The following XYLT1 variants were observed in gnomAD, a reference collection of about 807,000 sequenced individuals.
XYLT1 encodes xylosyltransferase 1, also known as beta-D-xylosyltransferase 1.
XYLT1 carries 36 observed loss-of-function variants against 91.3 expected under a neutral mutation model. The observed-to-expected ratio is 0.39, with a 90% CI of 0.30 to 0.52. XYLT1 has a LOEUF of 0.52. Ranked by LOEUF, XYLT1 falls within the 20% of genes least tolerant of loss-of-function variation. The pLI is 0.68. For synonymous variants in XYLT1, 588 were observed against 532.0 expected, an observed-to-expected ratio of 1.11 and a Z score of -1.45; for missense variants, 1,242 against 1,284.5, an observed-to-expected ratio of 0.97 and a Z score of 0.51.
At chr16:17,216,454 C>T (rs904536081) in intron 3 of XYLT1, among the ~76,000 whole-genome samples, 7 of 152,160 alleles carry the variant, frequency 4.6e-5, no homozygotes, top group African/African-American at 9.7e-5. Flanking sequence ...GGGCCATTAA[C>T]GCTGCCTCCT....
intron 2 of XYLT1, among the ~76,000 whole-genome samples, chr16:17,331,002 C>G (rs1224070945): frequency 6.6e-6 from 1 of 152,208 alleles, no homozygotes; most frequent in Non-Finnish European, 1.5e-5. Context: ...AGATGTTCCA[C>G]CGCCCTGCAC....
At chr16:17,175,182 C>T (rs1432359127) in intron 5 of XYLT1, among the ~76,000 whole-genome samples, 1 of 152,064 alleles carries the variant, frequency 6.6e-6, no homozygotes, top group African/African-American at 2.4e-5. Context: ...ACAATAATAA[C>T]CATGTTTGGT....
At chr16:17,184,185 CTTTTTTTTTT>C (rs71390593) in intron 5 of XYLT1, among the ~76,000 whole-genome samples, 1 of 107,492 alleles carries the variant, frequency 9.3e-6, no homozygotes, top group Non-Finnish European at 1.8e-5. Flanking sequence ...TAAAAGACGG[CTTTTTTTTTT>C]TTTTTTTTTT....
At chr16:17,155,127 C>A (rs2031373780) in intron 6 of XYLT1, among the ~76,000 whole-genome samples, 1 of 152,232 alleles carries the variant, frequency 6.6e-6, no homozygotes, top group Non-Finnish European at 1.5e-5. Context: ...GCCTAGAACA[C>A]AGAGAGGCTT....
Position 17,104,529 on chromosome 16 carries a change from C to G in XYLT1, c.*4166G>C, listed in dbSNP as rs1386230995. ...CCCTGACCTGATGCTGGCTTTTTTCCTCTTCTACCAGGGCAATGCATAATC... is the reference window on the plus strand; with the variant it reads ...CCCTGACCTGATGCTGGCTTTTTTCGTCTTCTACCAGGGCAATGCATAATC... On this transcript the variant is annotated 3_prime_UTR_variant, in exon 12 of 12. Coordinates refer to ENST00000261381, the MANE Select transcript of XYLT1 (RefSeq NM_022166.4). 1 of 152,122 alleles carries G rather than the reference C, an allele frequency of 6.6e-6. No individual in the cohort carries two copies. Among genetic ancestry groups the G allele is most frequent in the Admixed American group, 6.5e-5 (1 of 15,268 alleles). 9.4% of individuals were successfully genotyped at this position (152,122 alleles called of 1,614,324 possible).
chr16:17,224,782 T>C (rs780155457), intron 3 of XYLT1, among the ~76,000 whole-genome samples: 1 of 152,234 alleles, frequency 6.6e-6, no homozygotes, highest in Non-Finnish European at 1.5e-5. Context: ...GCCTCTCTTG[T>C]AGCGAGGTGC....
chr16:17,180,823 C>A (rs906612328), intron 5 of XYLT1, among the ~76,000 whole-genome samples: 5 of 152,128 alleles, frequency 3.3e-5, no homozygotes, highest in African/African-American at 1.2e-4. Context: ...TGGGAGGAGG[C>A]AGCAGGGGAG....
intron 8 of XYLT1, 119 bp downstream of exon 8, chr16:17,138,236 C>CAACA: frequency 2.6e-6 from 3 of 1,163,474 alleles, no homozygotes; most frequent in Non-Finnish European, 3.6e-6. Context: ...TATTAATTAT[C>CAACA]AACAGCCAGG....
intron 2 of XYLT1, among the ~76,000 whole-genome samples, chr16:17,270,638 T>C (rs1331192131): frequency 6.6e-6 from 1 of 152,236 alleles, no homozygotes; most frequent in Non-Finnish European, 1.5e-5. Context: ...GTTTACTATG[T>C]GCTGATTACC....
intron 3 of XYLT1, among the ~76,000 whole-genome samples, chr16:17,256,389 A>G (rs1364682020): frequency 6.6e-6 from 1 of 152,064 alleles, no homozygotes; most frequent in African/African-American, 2.4e-5. Flanking sequence ...GCGGTGGCTC[A>G]CCCCTGTAAT....
At chr16:17,324,083 T>C (rs533832935) in intron 2 of XYLT1, among the ~76,000 whole-genome samples, 7 of 152,162 alleles carry the variant, frequency 4.6e-5, no homozygotes, top group Non-Finnish European at 8.8e-5. Context: ...TCAGGTCCCA[T>C]GCACACATGC....
At chr16:17,152,059 A>G (rs1007975881) in intron 6 of XYLT1, among the ~76,000 whole-genome samples, 5 of 152,222 alleles carry the variant, frequency 3.3e-5, no homozygotes, top group Non-Finnish European at 5.9e-5. Flanking sequence ...TTTTGAAAAC[A>G]TTGTTTACTG....
At chr16:17,180,393 A>T (rs561862961) in intron 5 of XYLT1, among the ~76,000 whole-genome samples, 19 of 152,226 alleles carry the variant, frequency 1.2e-4, no homozygotes, top group African/African-American at 4.3e-4. Context: ...TGTAATCAAA[A>T]ATTGCTTCTG....
chr16:17,147,911 T>C (rs2031177737), intron 6 of XYLT1, among the ~76,000 whole-genome samples: 2 of 152,148 alleles, frequency 1.3e-5, no homozygotes, highest in Admixed American at 1.3e-4. Context: ...CACAGATCTG[T>C]AGCAATAAGC....
Position 17,303,730 on chromosome 16 carries a change from T to C in XYLT1, c.403-44232A>G, listed in dbSNP as rs536152506. ...TGTCTTTAAAACACATTCAGCCTTT[T>C]CACTCTGATTCTAGAAACAGGTATG... is the stretch of plus-strand genomic sequence containing the variant. On this transcript the variant is annotated intron_variant, in intron 2 of 11. Transcript: ENST00000261381. Among the ~76,000 whole-genome samples, 5 of 152,328 alleles carry C rather than the reference T, an allele frequency of 3.3e-5. No homozygotes were observed. The South Asian group carries it at 1.0e-3, about 32-fold the overall frequency.
Position 17,250,105 on chromosome 16 carries a change from C to G in XYLT1, c.913+8883G>C, listed in dbSNP as rs530413878. On this transcript the variant is annotated intron_variant, in intron 3 of 11. Transcript: ENST00000261381. ...TGGCTATTCACTTGTCACCTCTGGT[C>G]TCTCCTATTCAGGTAGAAGCTCCAT... 3.9e-5 allele frequency: 6 copies of G among 152,366 alleles called. No homozygotes were observed. The South Asian group carries it at 1.2e-3, about 32-fold the overall frequency. The allele number at this position is 152,366 out of a possible 1,614,324, so 9.4% of individuals were successfully genotyped here. A position where few individuals can be genotyped will look rare whatever the true frequency, so the allele number is the denominator to read the frequency against.
At chr16:17,160,742 A>C (rs2031529224) in intron 5 of XYLT1, among the ~76,000 whole-genome samples, 2 of 152,194 alleles carry the variant, frequency 1.3e-5, no homozygotes, top group South Asian at 4.1e-4. Flanking sequence ...CCCATCGTGC[A>C]TGCCAAGGTA....
chr16:17,388,053 G>A (rs765979471), intron 1 of XYLT1, among the ~76,000 whole-genome samples: 4 of 152,078 alleles, frequency 2.6e-5, no homozygotes, highest in African/African-American at 7.3e-5. Flanking sequence ...TGCATTTAAC[G>A]CACCTAACCT....
chr16:17,104,623 C>A lies in XYLT1; in HGVS notation c.*4072G>T, dbSNP rs907514173. On this transcript the variant is annotated 3_prime_UTR_variant, in exon 12 of 12. Transcript: ENST00000261381. The stretch of plus-strand genomic sequence containing the variant: ...GTACACGTGGAACAGTGGAATTTTT[C>A]TTTGCCCACTATCTGTTAAAAAAAA... The A allele has an allele frequency of 1.3e-5, 2 of 152,146 alleles. No individual in the cohort carries two copies. The highest frequency in any genetic ancestry group is 4.8e-5 in the African/African-American group (2 of 41,424). The allele number at this position is 152,146 out of a possible 1,614,324, so 9.4% of individuals were successfully genotyped here.
Sources: allele counts gnomAD v4.1 joint callset (sites outside exome capture counted in the v4.1 genomes callset), GRCh38; gene constraint gnomAD v4.1.1; transcripts MANE v1.5; gene names NCBI Gene and HGNC (gene_info 2026-07-23, HGNC 2026-07-21).